ARHGAP24: variants seen among roughly 807,000 people sequenced by gnomAD.
ARHGAP24 encodes the protein rho GTPase-activating protein 24.
In ARHGAP24, 50 loss-of-function variants were observed where a neutral mutation model predicts 76.4. The observed-to-expected ratio is 0.65, with a 90% CI of 0.52 to 0.83. The LOEUF is 0.83. Ranked by LOEUF, ARHGAP24 falls within the 40% of genes least tolerant of loss-of-function variation. The pLI is 0.00. For synonymous variants in ARHGAP24, 345 were observed against 323.3 expected, an observed-to-expected ratio of 1.07 and a Z score of -0.72; for missense variants, 930 against 914.2, an observed-to-expected ratio of 1.02 and a Z score of -0.22.
chr4:85,519,566 G>A (rs962560496), intron 1 of ARHGAP24, among the ~76,000 whole-genome samples: 1 of 151,998 alleles, frequency 6.6e-6, no homozygotes, highest in Admixed American at 6.6e-5. Flanking sequence ...GGAGAGACAG[G>A]CTTTATACAC....
At chr4:85,710,905 G>A (rs1724503373) in intron 2 of ARHGAP24, among the ~76,000 whole-genome samples, 2 of 152,002 alleles carry the variant, frequency 1.3e-5, no homozygotes, top group South Asian at 4.1e-4. Flanking sequence ...TACTGTGTAT[G>A]TACACAAAGG....
chr4:85,570,971 A>G (rs1198037791), intron 2 of ARHGAP24: 13 of 378,352 alleles, frequency 3.4e-5, no homozygotes, highest in Non-Finnish European at 5.7e-5. Context: ...AGAAGGTCTC[A>G]CTTCCTCTGG....
chr4:85,945,694 A>G (rs1349714110), intron 5 of ARHGAP24, among the ~76,000 whole-genome samples: 1 of 147,264 alleles, frequency 6.8e-6, no homozygotes, highest in Non-Finnish European at 1.5e-5. Context: ...CGGGAGGCAG[A>G]GGTTGCAGTG....
intron 2 of ARHGAP24, among the ~76,000 whole-genome samples, chr4:85,717,978 T>A (rs1368213123): frequency 6.6e-6 from 1 of 152,092 alleles, no homozygotes; most frequent in East Asian, 1.9e-4. Flanking sequence ...GACTTGTACT[T>A]ATTTATTAGT....
intron 2 of ARHGAP24, among the ~76,000 whole-genome samples, chr4:85,595,775 A>T (rs1197237471): frequency 6.6e-6 from 1 of 152,096 alleles, no homozygotes; most frequent in African/African-American, 2.4e-5. Flanking sequence ...TATATGAATT[A>T]TATAAACTAT....
intron 3 of ARHGAP24, among the ~76,000 whole-genome samples, chr4:85,787,778 C>G (rs751566466): frequency 3.7e-4 from 57 of 152,114 alleles, no homozygotes; most frequent in Non-Finnish European, 1.0e-4. Flanking sequence ...GCTCCAAGTT[C>G]TGCCACACCA....
At chr4:85,904,294 CAA>C (rs1734655193) in intron 3 of ARHGAP24, among the ~76,000 whole-genome samples, 1 of 152,120 alleles carries the variant, frequency 6.6e-6, no homozygotes, top group Middle Eastern at 3.4e-3. Context: ...AAAGCAGGAG[CAA>C]GAGAGAGAGA....
chr4:85,599,299 G>A (rs1719954155), intron 2 of ARHGAP24, among the ~76,000 whole-genome samples: 1 of 152,168 alleles, frequency 6.6e-6, no homozygotes, highest in Non-Finnish European at 1.5e-5. Flanking sequence ...GAGGTATTGA[G>A]CAGCCTGTCT....
chr4:85,563,909 T>C (rs1244448828), intron 1 of ARHGAP24, among the ~76,000 whole-genome samples: 1 of 152,200 alleles, frequency 6.6e-6, no homozygotes, highest in Non-Finnish European at 1.5e-5. Flanking sequence ...ATTATTTAAA[T>C]ATTTAGGACA....
At chr4:85,534,750 G>A (rs1342232784) in intron 1 of ARHGAP24, among the ~76,000 whole-genome samples, 2 of 151,862 alleles carry the variant, frequency 1.3e-5, no homozygotes, top group South Asian at 2.1e-4. Flanking sequence ...TCAGACAGAC[G>A]CTTCGTCACC....
At chr4:85,497,534 A>C (rs1028254655) in intron 1 of ARHGAP24, among the ~76,000 whole-genome samples, 1 of 152,180 alleles carries the variant, frequency 6.6e-6, no homozygotes, top group Non-Finnish European at 1.5e-5. Context: ...TAAGAAATGC[A>C]GCACCGGCCA....
At chr4:85,804,559 T>C (rs1242677770) in intron 3 of ARHGAP24, among the ~76,000 whole-genome samples, 1 of 152,058 alleles carries the variant, frequency 6.6e-6, no homozygotes, top group Non-Finnish European at 1.5e-5. Context: ...TTAAAGAAAA[T>C]ACAGTGGAGC....
intron 3 of ARHGAP24, among the ~76,000 whole-genome samples, chr4:85,830,363 A>T (rs1369057901): frequency 3.9e-5 from 6 of 152,222 alleles, no homozygotes; most frequent in African/African-American, 1.4e-4. Flanking sequence ...AGTGGCTACC[A>T]GGCAGCAAGG....
chr4:85,701,451 A>G (rs1233141801), intron 2 of ARHGAP24, among the ~76,000 whole-genome samples: 1 of 152,108 alleles, frequency 6.6e-6, no homozygotes, highest in Non-Finnish European at 1.5e-5. Context: ...TCCCACCCTG[A>G]GTACCCAATA....
intron 3 of ARHGAP24, among the ~76,000 whole-genome samples, chr4:85,895,952 T>C (rs1510580): frequency 0.33 from 50,436 of 152,042 alleles, 8,748 homozygotes; most frequent in South Asian, 0.43. Context: ...ATCTCACTGT[T>C]TGTAGTGATC....
chr4:85,623,193 A>T (rs376214301), intron 2 of ARHGAP24, among the ~76,000 whole-genome samples: 2 of 152,194 alleles, frequency 1.3e-5, no homozygotes, highest in South Asian at 4.2e-4. Context: ...CTGAATGGTA[A>T]TGCCTAGGTT....
At chr4:85,785,098 A>C (rs1251608780) in intron 3 of ARHGAP24, among the ~76,000 whole-genome samples, 1 of 152,158 alleles carries the variant, frequency 6.6e-6, no homozygotes, top group Non-Finnish European at 1.5e-5. Flanking sequence ...TCAGAATTTG[A>C]GGTCCAGCTT....
chr4:85,768,383 C>G (rs1174997055), intron 3 of ARHGAP24, among the ~76,000 whole-genome samples: 1 of 152,058 alleles, frequency 6.6e-6, no homozygotes, highest in African/African-American at 2.4e-5. Context: ...GAAAAGAATG[C>G]TTCTGAGTTG....
At chr4:85,941,485 A>G (rs922243586) in intron 4 of ARHGAP24, among the ~76,000 whole-genome samples, 2 of 152,180 alleles carry the variant, frequency 1.3e-5, no homozygotes, top group Non-Finnish European at 2.9e-5. Flanking sequence ...TTCACTTTCA[A>G]ATAAGTTAAT....
Sources: allele counts gnomAD v4.1 joint callset (sites outside exome capture counted in the v4.1 genomes callset), GRCh38; gene constraint gnomAD v4.1.1; transcripts MANE v1.5; gene names NCBI Gene and HGNC (gene_info 2026-07-23, HGNC 2026-07-21).